Variants in TDRD5 observed in about 807,000 individuals in gnomAD.
TDRD5 encodes the protein tudor domain containing 5, also known as tudor domain-containing protein 5.
A neutral mutation model predicts 120.6 loss-of-function variants in TDRD5; 41 were observed. The ratio of observed to expected loss-of-function variants is 0.34; its 90% CI spans 0.26 to 0.44. The LOEUF (loss-of-function observed/expected upper bound fraction) is 0.44. Ranked by LOEUF, TDRD5 falls within the 20% of genes least tolerant of loss-of-function variation. The pLI is 1.00. For synonymous variants in TDRD5, 430 were observed against 433.7 expected, an observed-to-expected ratio of 0.99 and a Z score of 0.11; for missense variants, 1,006 against 1,221.2, an observed-to-expected ratio of 0.82 and a Z score of 2.63.
intron 14 of TDRD5, among the ~76,000 whole-genome samples, chr1:179,656,537 A>T (rs904495463): frequency 1.3e-5 from 2 of 152,194 alleles, no homozygotes; most frequent in Non-Finnish European, 2.9e-5. Context: ...GTTAGGTTTC[A>T]TTTTGTTACA....
intron 4 of TDRD5, among the ~76,000 whole-genome samples, chr1:179,596,313 C>G (rs1458600516): frequency 6.6e-6 from 1 of 152,100 alleles, no homozygotes; most frequent in Non-Finnish European, 1.5e-5. Context: ...CATGAAAATG[C>G]CTGATTTCTA....
intron 5 of TDRD5, among the ~76,000 whole-genome samples, chr1:179,618,960 C>A (rs1488156739): frequency 1.3e-5 from 2 of 152,172 alleles, no homozygotes; most frequent in Non-Finnish European, 2.9e-5. Context: ...AGTTCAAGAT[C>A]TTTCCAAATA....
At chr1:179,669,121 G>A (rs2147778219) in intron 16 of TDRD5, 73 bp from the exon 17 acceptor site, 4 of 1,331,390 alleles carry the variant, frequency 3.0e-6, no homozygotes, top group Non-Finnish European at 4.2e-6. Context: ...TTGCTTATAA[G>A]TAAGGAAATA....
chr1:179,654,120 C>A, intron 13 of TDRD5, 81 bp from the exon 14 acceptor site: 1 of 1,206,984 alleles, frequency 8.3e-7, no homozygotes, highest in Non-Finnish European at 1.1e-6. Flanking sequence ...GCAAAAACTT[C>A]CCCCCAAAAT....
intron 4 of TDRD5, among the ~76,000 whole-genome samples, chr1:179,600,525 T>C (rs1402471321): frequency 2.0e-5 from 3 of 152,186 alleles, no homozygotes; most frequent in Non-Finnish European, 2.9e-5. Context: ...AATCACCTAA[T>C]AATGCATTTC....
Position 179,621,041 on chromosome 1 carries a change from T to G in TDRD5, c.922T>G (p.Ser308Ala). 3 of 1,603,270 alleles carry G rather than the reference T, an allele frequency of 1.9e-6. No homozygotes were observed. The Admixed American group carries it at 5.3e-5, about 28-fold the overall frequency. The change falls in exon 6 of 18, where the codon TCT (serine) becomes GCT (alanine). Residue 308 changes from serine to alanine, a missense_variant. Ser to Ala is a moderately conservative substitution (Grantham distance 99). This residue lies in a region of TDRD5 where 445 missense variants were observed against 515.5 expected (regional missense o/e 0.86). Transcript: ENST00000444136. The stretch of plus-strand genomic sequence containing the variant: ...TTCACTTTCTATTTGTTAGGTTGTA[T>G]CTAAGTTCCCAGAGGGTTTGTTTAT... ...ELKHKIKFVV[S>A]KFPEGLFISK... is the part of the protein sequence containing the mutation.
chr1:179,598,974 T>G (rs763334626), intron 4 of TDRD5, among the ~76,000 whole-genome samples: 3 of 152,170 alleles, frequency 2.0e-5, no homozygotes, highest in Non-Finnish European at 4.4e-5. Context: ...TATTCAGTCT[T>G]TCATAATTAT....
intron 16 of TDRD5, among the ~76,000 whole-genome samples, chr1:179,665,801 C>T (rs1359759309): frequency 1.3e-5 from 2 of 152,046 alleles, no homozygotes; most frequent in African/African-American, 2.4e-5. Context: ...TTTTCTTTTT[C>T]TACCCCTTTT....
chr1:179,628,714 A>ATTT (rs1324572472), intron 6 of TDRD5, among the ~76,000 whole-genome samples: 3 of 152,210 alleles, frequency 2.0e-5, no homozygotes, highest in Non-Finnish European at 4.4e-5. Context: ...TAACCTTTTA[A>ATTT]AAGAAACTGA....
chr1:179,676,499 G>T (rs190894144), intron 17 of TDRD5, among the ~76,000 whole-genome samples: 14 of 152,278 alleles, frequency 9.2e-5, no homozygotes, highest in Admixed American at 7.8e-4. Flanking sequence ...TTTTGAGGAT[G>T]TGTTTCAAGA....
chr1:179,617,525 A>G (rs1425077904), intron 4 of TDRD5, among the ~76,000 whole-genome samples: 1 of 152,186 alleles, frequency 6.6e-6, no homozygotes, highest in African/African-American at 2.4e-5. Flanking sequence ...AAGAAAGACC[A>G]AAAGAAACAG....
chr1:179,659,913 C>T (rs1393459330), intron 14 of TDRD5, among the ~76,000 whole-genome samples: 1 of 151,968 alleles, frequency 6.6e-6, no homozygotes, highest in Non-Finnish European at 1.5e-5. Flanking sequence ...TCAGGCTGGT[C>T]TTGAACTCCC....
intron 12 of TDRD5, among the ~76,000 whole-genome samples, chr1:179,651,654 C>G (rs1163299789): frequency 1.3e-5 from 2 of 152,188 alleles, no homozygotes; most frequent in East Asian, 3.9e-4. Context: ...TGGCTCACGC[C>G]TGTAATCCCA....
chr1:179,662,009 A>T, intron 14 of TDRD5, 95 bp from the exon 15 acceptor site: 1 of 1,161,148 alleles, frequency 8.6e-7, no homozygotes, highest in Non-Finnish European at 1.2e-6. Flanking sequence ...TGTCATCTTT[A>T]CCTGGAGTCA....
At chr1:179,686,720 G>C (rs146463391) in intron 17 of TDRD5, among the ~76,000 whole-genome samples, 3,744 of 152,168 alleles carry the variant, frequency 0.025, 154 homozygotes, top group African/African-American at 0.086. Flanking sequence ...CAGTTTCAGA[G>C]CCTGTTATTG....
chr1:179,635,548 T>C (rs773583297), intron 8 of TDRD5, 119 bp from the exon 9 acceptor site: 3 of 984,402 alleles, frequency 3.0e-6, no homozygotes, highest in Non-Finnish European at 4.4e-6. Flanking sequence ...AGAATCTGTA[T>C]TTTTATAATT....
chr1:179,593,394 G>A (rs189220005), intron 2 of TDRD5, 66 bp from the exon 3 acceptor site: 1 of 1,506,694 alleles, frequency 6.6e-7, no homozygotes, highest in Admixed American at 2.0e-5. Context: ...TATAAACACA[G>A]ATACTAAGGA....
intron 11 of TDRD5, among the ~76,000 whole-genome samples, chr1:179,640,806 T>C (rs1328911004): frequency 6.6e-6 from 1 of 152,180 alleles, no homozygotes. Flanking sequence ...GGAGAAATTT[T>C]AAGTAGTTCT....
At chr1:179,616,167 C>T (rs1490053455) in intron 4 of TDRD5, among the ~76,000 whole-genome samples, 1 of 152,134 alleles carries the variant, frequency 6.6e-6, no homozygotes, top group African/African-American at 2.4e-5. Flanking sequence ...CAGAGAGACA[C>T]ATCAAGTCTG....
Sources: allele counts gnomAD v4.1 joint callset (sites outside exome capture counted in the v4.1 genomes callset), GRCh38; gene constraint gnomAD v4.1.1; regional missense constraint gnomAD v4.1.1; transcripts MANE v1.5; gene names NCBI Gene and HGNC (gene_info 2026-07-23, HGNC 2026-07-21).